Variants in ASIC2 observed in about 807,000 individuals in gnomAD.
The protein encoded by ASIC2 is acid-sensing ion channel 2.
In ASIC2, 25 loss-of-function variants were observed where a neutral mutation model predicts 57.3. That is an observed-to-expected ratio of 0.44 (90% CI 0.32 to 0.61). The LOEUF (loss-of-function observed/expected upper bound fraction) is 0.61, where lower values mean the gene tolerates loss of function less well. Ranked by LOEUF, ASIC2 falls within the 20% of genes least tolerant of loss-of-function variation. The pLI is 0.06. For missense variants in ASIC2, 641 were observed against 738.1 expected, an observed-to-expected ratio of 0.87 and a Z score of 1.52; for synonymous variants, 319 against 307.5, an observed-to-expected ratio of 1.04 and a Z score of -0.39.
At chr17:33,987,378 G>T (rs1275732180) in intron 1 of ASIC2, among the ~76,000 whole-genome samples, 1 of 152,114 alleles carries the variant, frequency 6.6e-6, no homozygotes, top group African/African-American at 2.4e-5. Context: ...CCCTTTTATG[G>T]ATGGGAGTGC....
intron 1 of ASIC2, among the ~76,000 whole-genome samples, chr17:33,371,582 T>C (rs763703028): frequency 5.3e-5 from 8 of 152,228 alleles, no homozygotes; most frequent in Non-Finnish European, 7.3e-5. Flanking sequence ...CGTAGTCTTA[T>C]TCACTTTCCC....
intron 1 of ASIC2, among the ~76,000 whole-genome samples, chr17:33,814,275 G>A (rs1305442880): frequency 6.6e-6 from 1 of 152,146 alleles, no homozygotes; most frequent in Admixed American, 6.5e-5. Flanking sequence ...AAAAAGCAAA[G>A]CATAAGTCAC....
rs1339733321 is a variant in ASIC2 at position 34,099,201 on chromosome 17, A to G, written c.555+56777T>C. ...GAAAGAAAGAAAGAAAGAAAGAAAG[A>G]AAGAAAGAAAGGAAAGAAAAGAAAG... On this transcript the variant is annotated intron_variant, in intron 1 of 9. Transcript: ENST00000359872. 6.0e-4 allele frequency among the ~76,000 whole-genome samples: 76 copies of G among 126,096 alleles called. 1 individual carries two copies. The highest frequency in any genetic ancestry group is 2.6e-3 in the African/African-American group (70 of 26,580). The allele number at this position is 126,096 out of a possible 152,430, so 82.7% of individuals were successfully genotyped here.
chr17:33,667,676 G>A (rs1354098839), intron 1 of ASIC2, among the ~76,000 whole-genome samples: 2 of 152,162 alleles, frequency 1.3e-5, no homozygotes, highest in Non-Finnish European at 2.9e-5. Flanking sequence ...CAAAAACTTA[G>A]TGGCTTCAAA....
chr17:33,547,545 T>C (rs1915619333), intron 1 of ASIC2, among the ~76,000 whole-genome samples: 1 of 152,124 alleles, frequency 6.6e-6, no homozygotes. Context: ...ACTCAGAGAC[T>C]GACAGTCCTA....
chr17:33,708,763 C>T (rs1050611028), intron 1 of ASIC2, among the ~76,000 whole-genome samples: 2 of 152,158 alleles, frequency 1.3e-5, no homozygotes, highest in Non-Finnish European at 2.9e-5. Context: ...ATCACAATCT[C>T]CTTGGCTATC....
In ASIC2 at chr17:33,291,657, A is replaced by G; in HGVS notation, c.459T>C (p.Tyr153=). 1 of 1,612,738 alleles carries G rather than the reference A, an allele frequency of 6.2e-7. No homozygotes were observed. The highest frequency in any genetic ancestry group is 1.1e-5 in the South Asian group (1 of 91,018). ...GCAGCAGCCCGAGCCAGTGGCCGGC[A>G]TAGTAGAGGTCCCCCTTGGAGAGGC... The part of the protein sequence containing the change: ...FPRLSKGDLY[Y]AGHWLGLLLP... The change falls in exon 1 of 10, where the codon TAT becomes TAC. Residue 153 remains tyrosine, a synonymous_variant. Transcript: ENST00000225823.
intron 1 of ASIC2, among the ~76,000 whole-genome samples, chr17:33,528,739 T>C (rs1395390054): frequency 4.6e-5 from 7 of 152,236 alleles, no homozygotes; most frequent in Non-Finnish European, 1.0e-4. Flanking sequence ...TTGCAGCCCC[T>C]CTTACTATTA....
At chr17:33,174,968 C>G (rs1567773252) in intron 1 of ASIC2, among the ~76,000 whole-genome samples, 1 of 152,172 alleles carries the variant, frequency 6.6e-6, no homozygotes, top group South Asian at 2.1e-4. Context: ...GGACCCTCCT[C>G]TCTCCCTGCC....
chr17:33,252,554 G>A (rs1363172647), intron 1 of ASIC2, among the ~76,000 whole-genome samples: 1 of 152,020 alleles, frequency 6.6e-6, no homozygotes, highest in Admixed American at 6.6e-5. Flanking sequence ...TTGTTTCCCC[G>A]AGCCATAGGA....
intron 1 of ASIC2, among the ~76,000 whole-genome samples, chr17:33,460,323 C>G (rs1461780272): frequency 6.6e-6 from 1 of 152,148 alleles, no homozygotes; most frequent in Non-Finnish European, 1.5e-5. Context: ...GGATGGGCTG[C>G]CATTCTCACA....
chr17:33,253,675 G>A (rs1214523569), intron 1 of ASIC2, among the ~76,000 whole-genome samples: 1 of 152,182 alleles, frequency 6.6e-6, no homozygotes, highest in Non-Finnish European at 1.5e-5. Context: ...AGGTATGAGT[G>A]ACCAACTAAC....
chr17:33,940,440 G>A (rs979718072), intron 1 of ASIC2, among the ~76,000 whole-genome samples: 1 of 152,164 alleles, frequency 6.6e-6, no homozygotes, highest in African/African-American at 2.4e-5. Flanking sequence ...CCCACAGTGG[G>A]CCTAAAGGCA....
intron 3 of ASIC2, among the ~76,000 whole-genome samples, chr17:33,085,662 A>C (rs1197250397): frequency 6.6e-6 from 1 of 152,250 alleles, no homozygotes; most frequent in Non-Finnish European, 1.5e-5. Flanking sequence ...TGTATGAATA[A>C]ATAGAACAAA....
At chr17:33,623,994 G>C (rs1222955813) in intron 1 of ASIC2, 1 of 152,074 alleles carries the variant, frequency 6.6e-6, no homozygotes, top group African/African-American at 2.4e-5. Context: ...GAACCATTTA[G>C]AAATAATTAT....
chr17:33,602,352 C>A (rs758287572), intron 1 of ASIC2, among the ~76,000 whole-genome samples: 22 of 152,142 alleles, frequency 1.4e-4, no homozygotes, highest in Non-Finnish European at 2.8e-4. Flanking sequence ...ATGGCTCTTG[C>A]CCTTGTGAAT....
At chr17:33,564,551 GA>G (rs1451210937) in intron 1 of ASIC2, among the ~76,000 whole-genome samples, 1 of 152,216 alleles carries the variant, frequency 6.6e-6, no homozygotes, top group Non-Finnish European at 1.5e-5. Context: ...CTGCAAATAG[GA>G]ATATCCAAAG....
At chr17:33,797,302 G>A (rs375573047) in intron 1 of ASIC2, among the ~76,000 whole-genome samples, 17 of 152,190 alleles carry the variant, frequency 1.1e-4, no homozygotes, top group African/African-American at 4.1e-4. Context: ...AAGTCCTGGA[G>A]CTGAGACAAA....
chr17:33,109,939 A>G (rs2092250043), intron 2 of ASIC2, among the ~76,000 whole-genome samples: 2 of 152,158 alleles, frequency 1.3e-5, no homozygotes, highest in South Asian at 4.1e-4. Flanking sequence ...CTTTTTGGGT[A>G]GCCTTGTAGA....
Sources: allele counts gnomAD v4.1 joint callset (sites outside exome capture counted in the v4.1 genomes callset), GRCh38; gene constraint gnomAD v4.1.1; transcripts MANE v1.5; gene names NCBI Gene and HGNC (gene_info 2026-07-23, HGNC 2026-07-21).